Variants in CC2D2B observed in about 807,000 individuals in gnomAD.
CC2D2B encodes protein CC2D2B.
In CC2D2B, 128 loss-of-function variants were observed where a neutral mutation model predicts 161.2. That is an observed-to-expected ratio of 0.79 (90% CI 0.69 to 0.92). CC2D2B has a LOEUF of 0.92. Among genes scored for constraint, CC2D2B ranks in the 40% least tolerant of loss-of-function variants. The pLI is 0.00. For synonymous variants in CC2D2B, 391 were observed against 449.8 expected, an observed-to-expected ratio of 0.87 and a Z score of 1.65; for missense variants, 1,173 against 1,375.1, an observed-to-expected ratio of 0.85 and a Z score of 2.32.
At chr10:95,914,923 T>A (rs1051007328) in intron 2 of CC2D2B, among the ~76,000 whole-genome samples, 1 of 152,224 alleles carries the variant, frequency 6.6e-6, no homozygotes, top group Non-Finnish European at 1.5e-5. Flanking sequence ...CTATAAATTT[T>A]AGGATTACTT....
chr10:96,002,693 A>G (rs1376793227), intron 24 of CC2D2B, among the ~76,000 whole-genome samples: 1 of 152,210 alleles, frequency 6.6e-6, no homozygotes, highest in Non-Finnish European at 1.5e-5. Context: ...AGGAAATATA[A>G]GGAAACTTCC....
At chr10:95,977,765 G>T (rs2077370723) in intron 17 of CC2D2B, among the ~76,000 whole-genome samples, 1 of 152,154 alleles carries the variant, frequency 6.6e-6, no homozygotes, top group African/African-American at 2.4e-5. Context: ...TTACAGTACT[G>T]CATTATCTTG....
intron 6 of CC2D2B, among the ~76,000 whole-genome samples, chr10:95,932,210 T>C (rs1017729940): frequency 6.6e-6 from 1 of 152,204 alleles, no homozygotes; most frequent in Non-Finnish European, 1.5e-5. Context: ...ACCCCTGCTT[T>C]TTTTTGCTTT....
chr10:95,914,336 T>C (rs2098511989), intron 2 of CC2D2B, among the ~76,000 whole-genome samples: 1 of 152,162 alleles, frequency 6.6e-6, no homozygotes, highest in Admixed American at 6.5e-5. Context: ...TGCGCGTGTG[T>C]GTGTGTATTT....
Position 95,972,054 on chromosome 10 carries a change from T to C in CC2D2B, c.1645-12T>C, listed in dbSNP as rs2077156067. The C allele has an allele frequency of 3.3e-6, 4 of 1,214,482 alleles. No homozygotes were observed. The highest frequency in any genetic ancestry group is 3.1e-6 in the Non-Finnish European group (3 of 972,094). The allele number at this position is 1,214,482 out of a possible 1,614,324, so 75.2% of individuals were successfully genotyped here. A position where few individuals can be genotyped will look rare whatever the true frequency, so the allele number is the denominator to read the frequency against. ...TTTTTAGTGATCTATCAGCCATTTC[T>C]TTTATATTTAGGTTTATGAAAAAAG... On this transcript the variant is annotated splice_polypyrimidine_tract_variant and intron_variant, in intron 15 of 34. Coordinates refer to ENST00000646931, the MANE Select transcript of CC2D2B (RefSeq NM_001349008.3).
chr10:95,992,075 G>A (rs2077978760), intron 21 of CC2D2B, among the ~76,000 whole-genome samples: 1 of 152,214 alleles, frequency 6.6e-6, no homozygotes, highest in African/African-American at 2.4e-5. Flanking sequence ...TTCAGTCCTT[G>A]AGGGGAAAAT....
At chr10:95,964,289 T>G (rs185617250) in intron 12 of CC2D2B, among the ~76,000 whole-genome samples, 1 of 152,274 alleles carries the variant, frequency 6.6e-6, no homozygotes, top group Non-Finnish European at 1.5e-5. Context: ...TAACACCTAT[T>G]GTCTAAGTTA....
intron 29 of CC2D2B, among the ~76,000 whole-genome samples, chr10:96,014,166 G>T (rs2079100068): frequency 6.6e-6 from 1 of 152,096 alleles, no homozygotes; most frequent in African/African-American, 2.4e-5. Flanking sequence ...TGTCACTATG[G>T]AGTTGGTCAG....
At chr10:95,926,830 G>GTGTGTGTGTGTGTGTC in intron 5 of CC2D2B, among the ~76,000 whole-genome samples, 3 of 135,158 alleles carry the variant, frequency 2.2e-5, no homozygotes, top group Non-Finnish European at 5.0e-5. Flanking sequence ...GTGTGTGTGT[G>GTGTGTGTGTGTGTGTC]TGTGTGTGTG....
At chr10:95,986,076 G>A (rs941769330) in intron 19 of CC2D2B, among the ~76,000 whole-genome samples, 8 of 151,870 alleles carry the variant, frequency 5.3e-5, no homozygotes, top group African/African-American at 1.9e-4. Context: ...ATCTCACCCT[G>A]CCTCCATTTG....
chr10:96,012,283 T>C lies in CC2D2B; in HGVS notation c.3144T>C (p.Asn1048=). The C allele has an allele frequency of 1.4e-6, 1 of 714,422 alleles. No individual in the cohort carries two copies. Among genetic ancestry groups the C allele is most frequent in the South Asian group, 1.5e-5 (1 of 66,664 alleles). The allele number at this position is 714,422 out of a possible 1,614,324, so 44.3% of individuals were successfully genotyped here. The change falls in exon 27 of 35, where the codon AAT becomes AAC. Residue 1048 remains asparagine, a synonymous_variant. Coordinates refer to ENST00000646931, the MANE Select transcript of CC2D2B (RefSeq NM_001349008.3). ...VFPKEDSNEQ[N]LKECTFLNIF... is the part of the protein sequence containing the mutation. ...CTAAAGAAGATTCCAATGAGCAGAA[T>C]TTAAAAGAATGTACATTCTTAAATA...
chr10:95,953,832 G>A (rs2076486468), intron 10 of CC2D2B, among the ~76,000 whole-genome samples: 1 of 152,182 alleles, frequency 6.6e-6, no homozygotes, highest in African/African-American at 2.4e-5. Context: ...AGCTAACCAA[G>A]TGGCTGCTCC....
chr10:95,949,794 A>C (rs1295345999), intron 9 of CC2D2B, 102 bp from the exon 10 acceptor site: 3 of 396,654 alleles, frequency 7.6e-6, no homozygotes, highest in Admixed American at 4.4e-5. Flanking sequence ...ATATCTCTTG[A>C]TTTTCCTACA....
At chr10:96,003,593 T>TGTGTGTGTGTG (rs1227802059) in intron 24 of CC2D2B, among the ~76,000 whole-genome samples, 4 of 125,202 alleles carry the variant, frequency 3.2e-5, no homozygotes, top group Non-Finnish European at 6.4e-5. Flanking sequence ...TAATTGTGTG[T>TGTGTGTGTGTG]GTGTGTGTGT....
intron 18 of CC2D2B, 135 bp from the exon 19 acceptor site, chr10:95,983,471 C>T (rs993599483): frequency 1.5e-5 from 5 of 340,290 alleles, no homozygotes; most frequent in Admixed American, 5.5e-5. Flanking sequence ...TTTGTATGTT[C>T]TAGACTACAA....
chr10:95,986,989 G>A (rs1243971387), intron 19 of CC2D2B, among the ~76,000 whole-genome samples: 2 of 152,084 alleles, frequency 1.3e-5, no homozygotes, highest in Non-Finnish European at 2.9e-5. Flanking sequence ...AATATCCAGA[G>A]TATTGTGTTA....
chr10:96,004,078 T>C, intron 24 of CC2D2B, 74 bp from the exon 25 acceptor site: 4 of 848,514 alleles, frequency 4.7e-6, no homozygotes, highest in Non-Finnish European at 5.4e-6. Flanking sequence ...TATAGTTCTT[T>C]ATGAATAGTG....
intron 21 of CC2D2B, among the ~76,000 whole-genome samples, chr10:95,991,823 C>G (rs548185177): frequency 6.6e-6 from 1 of 152,306 alleles, no homozygotes; most frequent in African/African-American, 2.4e-5. Context: ...CCATGCTAAG[C>G]CTGTAATCAC....
chr10:95,987,250 G>C (rs1031291278), intron 19 of CC2D2B, among the ~76,000 whole-genome samples: 2 of 152,132 alleles, frequency 1.3e-5, no homozygotes, highest in African/African-American at 4.8e-5. Context: ...CTTGAACCCA[G>C]GAGGCAGAGG....
Sources: gnomAD v4.1 joint callset for allele counts (sites outside exome capture counted in the v4.1 genomes callset) on GRCh38, gnomAD v4.1.1 for gene constraint, MANE v1.5 for transcripts, NCBI Gene and HGNC (gene_info 2026-07-23, HGNC 2026-07-21) for gene names.